The following ADK variants were observed in gnomAD, a reference collection of about 807,000 sequenced individuals.
ADK encodes the protein N6,N6-dimethyladenosine kinase.
In ADK, 24 loss-of-function variants were observed where a neutral mutation model predicts 44.7. The observed-to-expected ratio is 0.54, with a 90% CI of 0.39 to 0.76. ADK has a LOEUF of 0.76. Among genes scored for constraint, ADK ranks in the 30% least tolerant of loss-of-function variants. ADK has a pLI of 0.00. For missense variants in ADK, 321 were observed against 425.1 expected (o/e 0.76, Z 2.15); for synonymous variants, 128 against 142.6 (o/e 0.90, Z 0.73).
intron 7 of ADK, among the ~76,000 whole-genome samples, chr10:74,544,718 TA>T (rs1849763791): frequency 6.6e-6 from 1 of 151,918 alleles, no homozygotes; most frequent in African/African-American, 2.4e-5. Context: ...CCACTAAAAA[TA>T]CAAACATTAG....
chr10:74,641,661 C>G (rs558481033), intron 9 of ADK: 1 of 152,322 alleles, frequency 6.6e-6, no homozygotes, highest in Admixed American at 6.5e-5. Flanking sequence ...AAAGGATCAG[C>G]ACAGTGGTAC....
chr10:74,421,952 T>C (rs1434160138), intron 6 of ADK, among the ~76,000 whole-genome samples: 1 of 152,106 alleles, frequency 6.6e-6, no homozygotes, highest in Non-Finnish European at 1.5e-5. Flanking sequence ...GAGATAAATC[T>C]CCCTGACAGA....
At chr10:74,503,782 A>G (rs955354506) in intron 6 of ADK, among the ~76,000 whole-genome samples, 3 of 152,208 alleles carry the variant, frequency 2.0e-5, no homozygotes, top group Admixed American at 2.0e-4. Context: ...GATAAGAAAC[A>G]AAACTGATTA....
At chr10:74,601,939 G>A (rs34969882) in intron 9 of ADK, among the ~76,000 whole-genome samples, 67,259 of 138,934 alleles carry the variant, frequency 0.48, 19,679 homozygotes, top group African/African-American at 0.81. Context: ...AAAAAAAATG[G>A]AAAAAAAAAA....
At chr10:74,536,983 T>A (rs1564779725) in intron 7 of ADK, among the ~76,000 whole-genome samples, 2 of 152,206 alleles carry the variant, frequency 1.3e-5, no homozygotes. Flanking sequence ...CTGTTTGAGT[T>A]CCTGCTTTTA....
chr10:74,676,865 A>G (rs895522266), intron 10 of ADK, among the ~76,000 whole-genome samples: 1 of 152,236 alleles, frequency 6.6e-6, no homozygotes, highest in African/African-American at 2.4e-5. Context: ...AATATTACCT[A>G]TAATATGCAA....
intron 3 of ADK, among the ~76,000 whole-genome samples, chr10:74,284,576 C>G (rs192642592): frequency 4.2e-4 from 64 of 152,296 alleles, no homozygotes; most frequent in Admixed American, 6.5e-4. Flanking sequence ...TCATCTCTTA[C>G]ATTAGGTGCC....
chr10:74,469,057 G>C (rs1008582926), intron 6 of ADK, among the ~76,000 whole-genome samples: 4 of 151,994 alleles, frequency 2.6e-5, no homozygotes, highest in Non-Finnish European at 5.9e-5. Flanking sequence ...CCCACTTTAG[G>C]CTGTACATGG....
At chr10:74,536,569 G>A (rs1849455903) in intron 7 of ADK, among the ~76,000 whole-genome samples, 1 of 148,330 alleles carries the variant, frequency 6.7e-6, no homozygotes, top group African/African-American at 2.5e-5. Context: ...TTGCAATGTT[G>A]TACAGCCATC....
rs796577059 is a variant in ADK at position 74,262,310 on chromosome 10, T to C, written c.194+37719T>C. On this transcript the variant is annotated intron_variant, in intron 3 of 10. Transcript: ENST00000539909. ...CCTGGATGACAAGAGTGAGACTTCA[T>C]CTCAAAAAAAAAAAAAAAAACAAAA... 2.9e-4 allele frequency among the ~76,000 whole-genome samples: 26 copies of C among 89,412 alleles called. 2 individuals are homozygous for C. Among genetic ancestry groups the C allele is most frequent in the African/African-American group, 1.1e-3 (26 of 24,204 alleles). The allele number at this position is 89,412 out of a possible 152,430, so 58.7% of individuals were successfully genotyped here.
At chr10:74,387,718 T>C (rs538058205) in intron 4 of ADK, among the ~76,000 whole-genome samples, 1 of 152,276 alleles carries the variant, frequency 6.6e-6, no homozygotes, top group South Asian at 2.1e-4. Flanking sequence ...GTTAAACTAA[T>C]TGAAGTATTT....
At chr10:74,630,920 TATGTC>T (rs1476878615) in intron 9 of ADK, among the ~76,000 whole-genome samples, 1 of 152,040 alleles carries the variant, frequency 6.6e-6, no homozygotes, top group African/African-American at 2.4e-5. Context: ...TTAATTTACT[TATGTC>T]ATATGGACTC....
rs560903753 is a variant in ADK at position 74,591,125 on chromosome 10, CT to C, written c.762+1810del. Among the ~76,000 whole-genome samples, 201 of 152,216 alleles carry C rather than the reference CT, an allele frequency of 1.3e-3. 1 individual carries two copies. The highest frequency in any genetic ancestry group is 4.5e-3 in the African/African-American group (189 of 41,564). The stretch of plus-strand genomic sequence containing the variant: ...GCCTGATTAATACTTTTATTTCCCC[CT>C]TGAGCTACTTGCTTTTCATGTGCCT... On this transcript the variant is annotated intron_variant, in intron 8 of 10. Coordinates refer to ENST00000539909, the MANE Select transcript of ADK (RefSeq NM_006721.4).
intron 3 of ADK, among the ~76,000 whole-genome samples, chr10:74,311,635 A>G (rs1406251130): frequency 6.6e-6 from 1 of 152,218 alleles, no homozygotes; most frequent in Admixed American, 6.5e-5. Flanking sequence ...TTGGCTGGAA[A>G]AAATTGATAT....
intron 6 of ADK, among the ~76,000 whole-genome samples, chr10:74,441,966 C>A (rs1845424361): frequency 6.6e-6 from 1 of 152,014 alleles, no homozygotes; most frequent in South Asian, 2.1e-4. Context: ...TGTCCCTAAT[C>A]ATCAAAGAAA....
At chr10:74,589,405 C>A in intron 8 of ADK, 88 bp downstream of exon 8, 2 of 1,319,482 alleles carry the variant, frequency 1.5e-6, no homozygotes, top group Non-Finnish European at 2.2e-6. Flanking sequence ...GATTGATGTG[C>A]TATTATACTC....
chr10:74,547,444 A>T lies in ADK; in HGVS notation c.726+22018A>T, dbSNP rs12217753. Among the ~76,000 whole-genome samples the T allele has an allele frequency of 2.8e-3, 71 of 25,606 alleles. 1 individual carries two copies. The highest frequency in any genetic ancestry group is 5.5e-3 in the Admixed American group (11 of 2,000). 16.8% of individuals were successfully genotyped at this position (25,606 alleles called of 152,430 possible). ...TTTTTCCCACTTTATATATATATAT[A>T]TATTTATTTATTTATTTATTTATTT... is the stretch of plus-strand genomic sequence containing the variant. On this transcript the variant is annotated intron_variant, in intron 7 of 10. Transcript: ENST00000539909.
intron 4 of ADK, among the ~76,000 whole-genome samples, chr10:74,327,339 A>G (rs1312239664): frequency 1.3e-5 from 2 of 152,066 alleles, no homozygotes; most frequent in Non-Finnish European, 2.9e-5. Flanking sequence ...CTTCTAGTTT[A>G]TGCCATTGTG....
Position 74,682,490 on chromosome 10 carries a change from T to G in ADK, c.964+12221T>G, listed in dbSNP as rs185675425. 9.2e-5 allele frequency among the ~76,000 whole-genome samples: 14 copies of G among 152,314 alleles called. No individual in the cohort carries two copies. The East Asian group carries it at 2.7e-3, about 29-fold the overall frequency. On this transcript the variant is annotated intron_variant, in intron 10 of 10. Transcript: ENST00000539909. Reference sequence around the variant, plus strand: ...TGTGCTGAACTATCTTAAAGCAACCTTTGCTCTAAATTGACTTCCTGTACA... The same window carrying G: ...TGTGCTGAACTATCTTAAAGCAACCGTTGCTCTAAATTGACTTCCTGTACA...
Sources: allele counts gnomAD v4.1 joint callset (sites outside exome capture counted in the v4.1 genomes callset), GRCh38; gene constraint gnomAD v4.1.1; transcripts MANE v1.5; gene names NCBI Gene and HGNC (gene_info 2026-07-23, HGNC 2026-07-21).